SLC6A5: variants seen among roughly 807,000 people sequenced by gnomAD.
SLC6A5 encodes the protein solute carrier family 6 member 5, also known as sodium- and chloride-dependent glycine transporter 2.
SLC6A5 carries 58 observed loss-of-function variants against 90.5 expected under a neutral mutation model. The observed-to-expected ratio is 0.64, with a 90% CI of 0.52 to 0.80. SLC6A5 has a LOEUF of 0.80. Among genes scored for constraint, SLC6A5 ranks in the 30% least tolerant of loss-of-function variants. SLC6A5 has a pLI of 0.00. For missense variants in SLC6A5, 1,015 were observed against 1,017.6 expected (o/e 1.00, Z 0.03); for synonymous variants, 427 against 401.4 (o/e 1.06, Z -0.76).
At chr11:20,636,654 A>T (rs1243270633) in intron 11 of SLC6A5, among the ~76,000 whole-genome samples, 3 of 152,010 alleles carry the variant, frequency 2.0e-5, no homozygotes, top group Non-Finnish European at 2.9e-5. Flanking sequence ...CCTCTGTTCT[A>T]TGTGGCAACT....
chr11:20,631,332 A>G (rs1449877655), intron 10 of SLC6A5, among the ~76,000 whole-genome samples: 1 of 152,196 alleles, frequency 6.6e-6, no homozygotes, highest in Non-Finnish European at 1.5e-5. Context: ...TTAGCAATGC[A>G]GACCTGCAGT....
At position 20,646,858 on chromosome 11, in the gene SLC6A5, T is replaced by C. The variant is rs1384921627; in HGVS notation, c.1994T>C (p.Ile665Thr). 10 of 1,613,322 alleles carry C rather than the reference T, an allele frequency of 6.2e-6. No individual in the cohort carries two copies. The East Asian group carries it at 6.7e-5, about 11-fold the overall frequency. The change falls in exon 14 of 16, where the codon ATA becomes ACA. Residue 665 changes from isoleucine to threonine, a missense_variant. This residue lies in a region of SLC6A5 where 442 missense variants were observed against 494.3 expected (regional missense o/e 0.89). Coordinates refer to ENST00000525748, the MANE Select transcript of SLC6A5 (RefSeq NM_004211.5). ...VYGLQRFCED[I>T]EMMIGFQPNI... ...GGCTTGCAAAGATTCTGTGAAGATA[T>C]AGAGATGATGATTGGATTCCAGCCT...
At chr11:20,610,845 G>A (rs531676536) in intron 5 of SLC6A5, among the ~76,000 whole-genome samples, 2 of 152,158 alleles carry the variant, frequency 1.3e-5, no homozygotes, top group East Asian at 1.9e-4. Flanking sequence ...TGGGCTCCTG[G>A]CATTTAGTAG....
chr11:20,605,193 T>C (rs1852555151), intron 3 of SLC6A5, among the ~76,000 whole-genome samples: 1 of 152,108 alleles, frequency 6.6e-6, no homozygotes, highest in Non-Finnish European at 1.5e-5. Context: ...GGCCGCTCTC[T>C]AGCAATAGGA....
intron 2 of SLC6A5, among the ~76,000 whole-genome samples, chr11:20,603,880 A>G (rs1852524668): frequency 6.6e-6 from 1 of 151,548 alleles, no homozygotes; most frequent in Non-Finnish European, 1.5e-5. Context: ...TCCAGGCATG[A>G]TGTTGGGGGA....
intron 10 of SLC6A5, among the ~76,000 whole-genome samples, chr11:20,632,355 T>A (rs1853124656): frequency 6.6e-6 from 1 of 152,204 alleles, no homozygotes; most frequent in African/African-American, 2.4e-5. Flanking sequence ...GATTCTGAAC[T>A]CTTTTCTGCT....
chr11:20,647,034 G>A, intron 14 of SLC6A5, 100 bp downstream of exon 14: 1 of 851,780 alleles, frequency 1.2e-6, no homozygotes, highest in South Asian at 1.4e-5. Context: ...TGAACAGTGT[G>A]TGAGCCTGGG....
At chr11:20,609,632 T>C (rs961651058) in intron 5 of SLC6A5, among the ~76,000 whole-genome samples, 1 of 152,238 alleles carries the variant, frequency 6.6e-6, no homozygotes, top group Non-Finnish European at 1.5e-5. Flanking sequence ...TCTCACCTTC[T>C]CTCTCACAAT....
intron 10 of SLC6A5, among the ~76,000 whole-genome samples, chr11:20,631,620 A>T (rs1853110927): frequency 6.6e-6 from 1 of 152,162 alleles, no homozygotes; most frequent in Admixed American, 6.5e-5. Flanking sequence ...TCAGTGATCA[A>T]GGGATTTCAT....
In SLC6A5 at chr11:20,632,828, C is replaced by G. The variant is rs1160428677; in HGVS notation, c.1624+2013C>G. ...AGACATTCAGGACATTTTTGCTGAC[C>G]CAACTTTGGTAACTAAGTTTTGATC... On this transcript the variant is annotated intron_variant, in intron 10 of 15. Transcript: ENST00000525748. 2.6e-5 allele frequency among the ~76,000 whole-genome samples: 4 copies of G among 152,140 alleles called. No homozygotes were observed. The East Asian group carries it at 7.7e-4, about 29-fold the overall frequency.
At chr11:20,641,098 A>C (rs1208427094) in intron 13 of SLC6A5, among the ~76,000 whole-genome samples, 1 of 151,924 alleles carries the variant, frequency 6.6e-6, no homozygotes, top group Admixed American at 6.6e-5. Flanking sequence ...TAAAAGTAAA[A>C]CTCCCTTAGT....
intron 10 of SLC6A5, among the ~76,000 whole-genome samples, chr11:20,633,284 G>T (rs1853141243): frequency 6.6e-6 from 1 of 152,116 alleles, no homozygotes; most frequent in Non-Finnish European, 1.5e-5. Flanking sequence ...CAGCTAACCG[G>T]AGCACTAGAA....
intron 1 of SLC6A5, among the ~76,000 whole-genome samples, chr11:20,600,491 T>C (rs1275682213): frequency 6.6e-6 from 1 of 152,228 alleles, no homozygotes; most frequent in Non-Finnish European, 1.5e-5. Context: ...TTGTGTAAGA[T>C]AACAAATCTA....
chr11:20,632,539 C>A (rs1443354391), intron 10 of SLC6A5, among the ~76,000 whole-genome samples: 1 of 152,152 alleles, frequency 6.6e-6, no homozygotes, highest in Non-Finnish European at 1.5e-5. Context: ...CAGGTTCTAA[C>A]CTGTTGTGTT....
intron 7 of SLC6A5, among the ~76,000 whole-genome samples, chr11:20,626,114 G>A (rs1484821271): frequency 6.6e-6 from 1 of 152,192 alleles, no homozygotes; most frequent in Admixed American, 6.5e-5. Context: ...ACGATTATCT[G>A]TAAGAAAGGT....
intron 5 of SLC6A5, among the ~76,000 whole-genome samples, chr11:20,613,704 G>T (rs1457806054): frequency 1.6e-5 from 2 of 123,710 alleles, no homozygotes; most frequent in African/African-American, 6.1e-5. Context: ...CATCACCCAG[G>T]CTGGGAATGC....
Position 20,601,184 on chromosome 11 carries a change from C to A in SLC6A5, c.59C>A (p.Ala20Glu). ...CTGCCAGCCAACAGCCCGGAGGCGG[C>A]GGCGGCGCAGGGCCACCCGGATGGC... is the stretch of plus-strand genomic sequence containing the variant. ...NKLPANSPEA[A>E]AAQGHPDGPC... Residue 20 changes from alanine to glutamate, a missense_variant, in exon 2 of 16, where the codon GCG becomes GAG. Physicochemically the swap from Ala to Glu is moderately radical, Grantham distance 107. Coordinates refer to ENST00000525748, the MANE Select transcript of SLC6A5 (RefSeq NM_004211.5). The A allele has an allele frequency of 6.3e-7, 1 of 1,587,876 alleles. No individual in the cohort carries two copies. Among genetic ancestry groups the A allele is most frequent in the Non-Finnish European group, 8.5e-7 (1 of 1,175,106 alleles).
intron 14 of SLC6A5, among the ~76,000 whole-genome samples, chr11:20,650,753 G>C (rs1042781108): frequency 1.9e-4 from 26 of 135,788 alleles, no homozygotes; most frequent in Non-Finnish European, 3.4e-4. Context: ...TGCAAGCTCC[G>C]CCTCCCGGGT....
At chr11:20,630,563 A>C in intron 9 of SLC6A5, 128 bp from the exon 10 acceptor site, 1 of 1,100,418 alleles carries the variant, frequency 9.1e-7, no homozygotes, top group Non-Finnish European at 1.4e-6. Context: ...TGGTTAGGAC[A>C]TGAACGTACA....
Sources: gnomAD v4.1 joint callset for allele counts (sites outside exome capture counted in the v4.1 genomes callset) on GRCh38, gnomAD v4.1.1 for gene constraint, gnomAD v4.1.1 regional missense constraint, MANE v1.5 for transcripts, NCBI Gene and HGNC (gene_info 2026-07-23, HGNC 2026-07-21) for gene names.